ARHGEF37: variants seen among roughly 807,000 people sequenced by gnomAD.
The protein encoded by ARHGEF37 is Rho guanine nucleotide exchange factor (GEF) 37.
ARHGEF37 carries 55 observed loss-of-function variants against 71.1 expected under a neutral mutation model. The ratio of observed to expected loss-of-function variants is 0.77; its 90% CI spans 0.62 to 0.97. The LOEUF (loss-of-function observed/expected upper bound fraction) is 0.97, where lower values mean the gene tolerates loss of function less well. Ranked by LOEUF, ARHGEF37 falls within the 50% of genes least tolerant of loss-of-function variation. The pLI, the probability that ARHGEF37 is intolerant of heterozygous loss-of-function variation, is 0.00. For synonymous variants in ARHGEF37, 327 were observed against 350.6 expected, an observed-to-expected ratio of 0.93 and a Z score of 0.75; for missense variants, 765 against 836.8, an observed-to-expected ratio of 0.91 and a Z score of 1.06.
Position 149,628,680 on chromosome 5 carries a change from A to G in ARHGEF37, c.1661-129A>G, listed in dbSNP as rs1580940620. On this transcript the variant is annotated intron_variant, in intron 11 of 12. Coordinates refer to ENST00000333677, the MANE Select transcript of ARHGEF37 (RefSeq NM_001001669.3). Reference sequence around the variant, plus strand: ...TGGGGCAGGGGGGTTCAGGGTTCCTAGATGACCTTTTGGTTCTCTTGGGTG... The same window carrying G: ...TGGGGCAGGGGGGTTCAGGGTTCCTGGATGACCTTTTGGTTCTCTTGGGTG... 8.5e-5 allele frequency: 107 copies of G among 1,255,042 alleles called. 2 individuals carry two copies. The South Asian group carries it at 1.6e-3, about 19-fold the overall frequency. The allele number at this position is 1,255,042 out of a possible 1,614,324, so 77.7% of individuals were successfully genotyped here.
chr5:149,568,551 G>A (rs927849958), intron 1 of ARHGEF37, among the ~76,000 whole-genome samples: 4 of 151,994 alleles, frequency 2.6e-5, no homozygotes, highest in Non-Finnish European at 5.9e-5. Context: ...TACATTGGCC[G>A]CGTGGTGACT....
intron 1 of ARHGEF37, among the ~76,000 whole-genome samples, chr5:149,560,217 G>A (rs1476504029): frequency 6.6e-6 from 1 of 152,194 alleles, no homozygotes; most frequent in Non-Finnish European, 1.5e-5. Flanking sequence ...CCAGGTTCAA[G>A]TGATTCACCT....
chr5:149,594,494 C>A (rs935196272), intron 1 of ARHGEF37, among the ~76,000 whole-genome samples: 5 of 152,212 alleles, frequency 3.3e-5, no homozygotes, highest in African/African-American at 1.2e-4. Flanking sequence ...CCTCCCCAAA[C>A]ATCCATTTAT....
chr5:149,625,192 A>G (rs1279277443), intron 10 of ARHGEF37, among the ~76,000 whole-genome samples: 2 of 152,208 alleles, frequency 1.3e-5, no homozygotes, highest in Admixed American at 6.5e-5. Flanking sequence ...GGCGTGAGCC[A>G]CCACACCTGG....
At position 149,633,252 on chromosome 5, in the gene ARHGEF37, G is replaced by C. The variant is rs1031372757; in HGVS notation, c.*1061G>C. 1 of 152,306 alleles carries C rather than the reference G, an allele frequency of 6.6e-6. No individual in the cohort carries two copies. Among genetic ancestry groups the C allele is most frequent in the African/African-American group, 2.4e-5 (1 of 41,484 alleles). 9.4% of individuals were successfully genotyped at this position (152,306 alleles called of 1,614,324 possible). On this transcript the variant is annotated 3_prime_UTR_variant, in exon 13 of 13. Coordinates refer to ENST00000333677, the MANE Select transcript of ARHGEF37 (RefSeq NM_001001669.3). ...AAGCATGCAGAGCTCCCTGTAAACT[G>C]TGAAGTGTGATACAAATGTAAATGA...
intron 11 of ARHGEF37, among the ~76,000 whole-genome samples, chr5:149,627,884 CACAG>C (rs1297729440): frequency 2.0e-5 from 3 of 152,296 alleles, no homozygotes; most frequent in African/African-American, 7.2e-5. Flanking sequence ...TCAGGGGATC[CACAG>C]ACAGTTTTTC....
intron 1 of ARHGEF37, among the ~76,000 whole-genome samples, chr5:149,564,780 C>T (rs1465647979): frequency 1.3e-5 from 2 of 152,270 alleles, no homozygotes; most frequent in Non-Finnish European, 2.9e-5. Context: ...ACCGAGATCG[C>T]GCCATTGCAC....
In ARHGEF37 at chr5:149,620,356, T is replaced by A. The variant is rs780378174; in HGVS notation, c.897T>A (p.Ala299=). ...TTTCTCCTTGGTACTGGGTCCAGGCTTTCCTCTACTTCAGGCCGCACGAAT... is the reference window on the plus strand; with the variant it reads ...TTTCTCCTTGGTACTGGGTCCAGGCATTCCTCTACTTCAGGCCGCACGAAT... ...NVAAYLDNLQ[A]FLYFRPHEYN... Residue 299 remains alanine (A), a splice_region_variant and synonymous_variant, in exon 8 of 13, where the codon GCT becomes GCA. Coordinates refer to ENST00000333677, the MANE Select transcript of ARHGEF37 (RefSeq NM_001001669.3). The A allele has an allele frequency of 4.4e-6, 7 of 1,607,408 alleles. No homozygotes were observed. The South Asian group carries it at 6.7e-5, about 15-fold the overall frequency.
intron 1 of ARHGEF37, among the ~76,000 whole-genome samples, chr5:149,566,239 G>A (rs1762897377): frequency 6.6e-6 from 1 of 151,680 alleles, no homozygotes; most frequent in South Asian, 2.1e-4. Flanking sequence ...GTTCACACCT[G>A]TAATCCCAGC....
At chr5:149,585,217 A>G (rs1763198924) in intron 1 of ARHGEF37, among the ~76,000 whole-genome samples, 1 of 152,228 alleles carries the variant, frequency 6.6e-6, no homozygotes, top group African/African-American at 2.4e-5. Flanking sequence ...AAAATGGTAC[A>G]ACTACTTTCA....
chr5:149,633,747 C>A lies in ARHGEF37; in HGVS notation c.*1556C>A, dbSNP rs1752956042. The A allele has an allele frequency of 6.6e-6, 1 of 152,186 alleles. No homozygotes were observed. Among genetic ancestry groups the A allele is most frequent in the Admixed American group, 6.5e-5 (1 of 15,286 alleles). 9.4% of individuals were successfully genotyped at this position (152,186 alleles called of 1,614,324 possible). A position where few individuals can be genotyped will look rare whatever the true frequency, so the allele number is the denominator to read the frequency against. On this transcript the variant is annotated 3_prime_UTR_variant, in exon 13 of 13. Transcript: ENST00000333677. ...CTGTGTTATAACCATAGTGCCTAAG[C>A]AGTGAGCTCTGGTTTTTGAAGGGCT...
intron 12 of ARHGEF37, among the ~76,000 whole-genome samples, chr5:149,630,922 T>C (rs551833070): frequency 5.9e-5 from 9 of 152,234 alleles, no homozygotes; most frequent in Non-Finnish European, 1.2e-4. Context: ...CCTGCATTTA[T>C]TGAGCCCTTG....
At chr5:149,564,819 T>C (rs949147282) in intron 1 of ARHGEF37, among the ~76,000 whole-genome samples, 3 of 151,946 alleles carry the variant, frequency 2.0e-5, no homozygotes, top group African/African-American at 7.2e-5. Flanking sequence ...AGTGAAACTC[T>C]CTCAAAAAAA....
intron 8 of ARHGEF37, among the ~76,000 whole-genome samples, 194 bp downstream of exon 8, chr5:149,620,658 C>T (rs1044952119): frequency 1.3e-5 from 2 of 151,856 alleles, no homozygotes; most frequent in Admixed American, 6.6e-5. Context: ...GATGAAACCC[C>T]GTCTCTACTA....
At chr5:149,621,578 T>C (rs576622780) in intron 8 of ARHGEF37, among the ~76,000 whole-genome samples, 155 bp from the exon 9 acceptor site, 1 of 152,350 alleles carries the variant, frequency 6.6e-6, no homozygotes, top group South Asian at 2.1e-4. Context: ...ATGGGCAGAT[T>C]GAGGCCCAGA....
intron 3 of ARHGEF37, among the ~76,000 whole-genome samples, chr5:149,604,435 C>A (rs1202696986): frequency 6.6e-6 from 1 of 152,150 alleles, no homozygotes; most frequent in Non-Finnish European, 1.5e-5. Context: ...CTCTCCCCTG[C>A]AACTTTGGCA....
intron 9 of ARHGEF37, 50 bp from the exon 10 acceptor site, chr5:149,623,962 T>C: frequency 6.5e-7 from 1 of 1,543,406 alleles, no homozygotes; most frequent in South Asian, 1.2e-5. Context: ...GCCAGGGATC[T>C]CATTGTCCCC....
At position 149,581,595 on chromosome 5, in the gene ARHGEF37, T is replaced by TGAGC. The variant is rs1763108290; in HGVS notation, c.-39_-36dup. The stretch of plus-strand genomic sequence containing the variant: ...TGCCCGGGCGGCCGACCTCCGTGCG[T>TGAGC]GAGCGCCGGCAGGCACCTTGCGCGC... On this transcript the variant is annotated 5_prime_UTR_variant, in exon 1 of 13. Transcript: ENST00000333677. 1 of 152,084 alleles carries TGAGC rather than the reference T, an allele frequency of 6.6e-6. No homozygotes were observed. The allele number at this position is 152,084 out of a possible 1,614,324, so 9.4% of individuals were successfully genotyped here.
In ARHGEF37 at chr5:149,616,645, G is replaced by A. The variant is rs747657396; in HGVS notation, c.537G>A (p.Leu179=). The A allele has an allele frequency of 6.2e-7, 1 of 1,613,642 alleles. No homozygotes were observed. Among genetic ancestry groups the A allele is most frequent in the Non-Finnish European group, 8.5e-7 (1 of 1,179,866 alleles). Residue 179 remains leucine (L), a synonymous_variant, in exon 5 of 13, where the codon CTG becomes CTA. Coordinates refer to ENST00000333677, the MANE Select transcript of ARHGEF37 (RefSeq NM_001001669.3). ...GGATCACCAGGTACCCACTGCTGCTGCAGAAAATCCTGGAGAACACAGTCC... is the reference window on the plus strand; with the variant it reads ...GGATCACCAGGTACCCACTGCTGCTACAGAAAATCCTGGAGAACACAGTCC... ...LQRITRYPLL[L]QKILENTVPD...
Sources: allele counts gnomAD v4.1 joint callset (sites outside exome capture counted in the v4.1 genomes callset), GRCh38; gene constraint gnomAD v4.1.1; transcripts MANE v1.5; gene names NCBI Gene and HGNC (gene_info 2026-07-23, HGNC 2026-07-21).